Variants in TNIP1 observed in about 807,000 individuals in gnomAD.
TNIP1 encodes the protein TNFAIP3 interacting protein 1, also known as TNFAIP3-interacting protein 1.
TNIP1 carries 22 observed loss-of-function variants against 86.6 expected under a neutral mutation model. That is an observed-to-expected ratio of 0.25 (90% CI 0.18 to 0.36). The LOEUF (loss-of-function observed/expected upper bound fraction) is 0.36, where lower values mean the gene tolerates loss of function less well. Among genes scored for constraint, TNIP1 ranks in the 10% least tolerant of loss-of-function variants. The probability of loss-of-function intolerance (pLI) is 1.00; values close to 1 mark genes in which losing one functional copy is unlikely to be tolerated. For synonymous variants in TNIP1, 294 were observed against 313.0 expected (o/e 0.94, Z 0.64); for missense variants, 709 against 820.6 (o/e 0.86, Z 1.66).
At chr5:151,033,186 G>GGGAGGGGAGAGGAGC (rs1217391663) in intron 16 of TNIP1, among the ~76,000 whole-genome samples, 6 of 149,036 alleles carry the variant, frequency 4.0e-5, no homozygotes, top group African/African-American at 1.5e-4. Context: ...AGAAGAGGAG[G>GGGAGGGGAGAGGAGC]GGAGGGGAGA....
At chr5:151,079,351 G>A (rs961058868) in intron 1 of TNIP1, among the ~76,000 whole-genome samples, 2 of 152,154 alleles carry the variant, frequency 1.3e-5, no homozygotes, top group African/African-American at 4.8e-5. Context: ...AGGCCGGGCG[G>A]GGCGGCTCAC....
chr5:151,057,125 T>A (rs1760772121), intron 5 of TNIP1, among the ~76,000 whole-genome samples, 168 bp from the exon 6 acceptor site: 1 of 152,176 alleles, frequency 6.6e-6, no homozygotes, highest in Non-Finnish European at 1.5e-5. Context: ...TGGGGCTGAC[T>A]CACAGGGCAG....
chr5:151,071,968 T>C (rs1762867079), intron 1 of TNIP1, among the ~76,000 whole-genome samples: 1 of 152,212 alleles, frequency 6.6e-6, no homozygotes. Context: ...CTGGGCCGCA[T>C]CATGACGCAC....
In TNIP1 at chr5:151,035,015, T is replaced by C; in HGVS notation, c.1574A>G (p.Lys525Arg). Reference sequence around the variant, plus strand: ...AAGCCTCCTCACCTTTGCTTTCCTCTTCTGCTGTCTGAGGGCTTCTCTTGC... The same window carrying C: ...AAGCCTCCTCACCTTTGCTTTCCTCCTCTGCTGTCTGAGGGCTTCTCTTGC... ...EKAREALRQQ[K>R]RKAKASGERY... The change falls in exon 15 of 18, where the codon AAG (lysine) becomes AGG (arginine). Residue 525 changes from lysine to arginine, a missense_variant. Coordinates refer to ENST00000521591, the MANE Select transcript of TNIP1 (RefSeq NM_006058.5). 4.3e-6 allele frequency: 7 copies of C among 1,614,130 alleles called. No homozygotes were observed. The highest frequency in any genetic ancestry group is 5.9e-6 in the Non-Finnish European group (7 of 1,179,996).
chr5:151,035,810 G>A, intron 13 of TNIP1, 103 bp from the exon 14 acceptor site: 1 of 1,485,634 alleles, frequency 6.7e-7, no homozygotes, highest in Non-Finnish European at 9.1e-7. Flanking sequence ...ACAGATGGCA[G>A]AGCTGGGGGT....
rs535605758 is a variant in TNIP1, at chr5:151,077,545, C to G, written c.-37+3335G>C. Among the ~76,000 whole-genome samples, 135 of 152,300 alleles carry G rather than the reference C, an allele frequency of 8.9e-4. 1 individual carries two copies. Among genetic ancestry groups the G allele is most frequent in the African/African-American group, 3.1e-3 (127 of 41,574 alleles). On this transcript the variant is annotated intron_variant, in intron 1 of 17. Transcript: ENST00000521591. ...TCTAGGAGGTAGCATTGACGTCATA[C>G]AGAGCTGACAGGTGAGGATGCAGAG...
intron 14 of TNIP1, 134 bp from the exon 15 acceptor site, chr5:151,035,201 C>T (rs551694227): frequency 5.3e-5 from 55 of 1,028,950 alleles, no homozygotes; most frequent in East Asian, 3.9e-4. Context: ...GGGCCAGCCC[C>T]GGGAAAGGGC....
chr5:151,071,638 C>T (rs182239037), intron 1 of TNIP1, among the ~76,000 whole-genome samples: 1 of 152,126 alleles, frequency 6.6e-6, no homozygotes, highest in African/African-American at 2.4e-5. Flanking sequence ...CTATCCCCTC[C>T]CCGAGGGCAG....
intron 8 of TNIP1, among the ~76,000 whole-genome samples, chr5:151,049,259 C>A (rs1759581058): frequency 6.6e-6 from 1 of 152,128 alleles, no homozygotes; most frequent in African/African-American, 2.4e-5. Flanking sequence ...AGAGTCTGCT[C>A]CTGCTTGGGA....
intron 1 of TNIP1, chr5:151,078,410 G>A (rs1763634665): frequency 6.6e-6 from 1 of 152,150 alleles, no homozygotes; most frequent in South Asian, 2.1e-4. Context: ...ACACTCGAGA[G>A]GACTAAGGAG....
rs1456736185 is a variant in TNIP1, at chr5:151,041,948, T to G, written c.1134+592A>C. 2.0e-5 allele frequency among the ~76,000 whole-genome samples: 3 copies of G among 151,670 alleles called. No homozygotes were observed. In the East Asian group the frequency reaches 5.8e-4, roughly 29 times the overall value. ...AGCAGGCCTGCTTGGATCTTTTTTT[T>G]TTTTTTTTTTAGCAAGAGTTTCACT... On this transcript the variant is annotated intron_variant, in intron 11 of 17. Coordinates refer to ENST00000521591, the MANE Select transcript of TNIP1 (RefSeq NM_006058.5).
chr5:151,065,987 G>A (rs1762175732), intron 1 of TNIP1, among the ~76,000 whole-genome samples: 1 of 152,156 alleles, frequency 6.6e-6, no homozygotes, highest in African/African-American at 2.4e-5. Flanking sequence ...GCTTAGTAGA[G>A]AAGCTCTCTG....
intron 7 of TNIP1, among the ~76,000 whole-genome samples, chr5:151,050,970 C>T (rs1467906289): frequency 1.3e-5 from 2 of 152,208 alleles, no homozygotes; most frequent in African/African-American, 2.4e-5. Flanking sequence ...AGCCACAACG[C>T]CCAACCACCA....
chr5:151,086,373 G>C (rs59750343), intron 1 of TNIP1, among the ~76,000 whole-genome samples: 2 of 152,162 alleles, frequency 1.3e-5, no homozygotes, highest in Admixed American at 6.5e-5. Context: ...TCTGTTACAG[G>C]TTCCACCACA....
intron 6 of TNIP1, among the ~76,000 whole-genome samples, chr5:151,052,763 T>C (rs1026917901): frequency 6.6e-6 from 1 of 151,766 alleles, no homozygotes; most frequent in African/African-American, 2.4e-5. Flanking sequence ...GCTGTTTTCT[T>C]AATATCTACC....
chr5:151,062,735 A>G (rs1761739461), intron 3 of TNIP1, among the ~76,000 whole-genome samples: 1 of 152,134 alleles, frequency 6.6e-6, no homozygotes, highest in African/African-American at 2.4e-5. Flanking sequence ...TCACTCTGAG[A>G]GTGGACCTGG....
chr5:151,068,906 G>A (rs757553223), intron 1 of TNIP1, among the ~76,000 whole-genome samples: 39 of 152,242 alleles, frequency 2.6e-4, no homozygotes, highest in Non-Finnish European at 5.4e-4. Flanking sequence ...GCCCAAACCA[G>A]AAACAGCTGG....
intron 17 of TNIP1, among the ~76,000 whole-genome samples, chr5:151,031,431 T>C (rs1756872631): frequency 6.6e-6 from 1 of 152,224 alleles, no homozygotes; most frequent in Non-Finnish European, 1.5e-5. Context: ...TTGTGCCCCA[T>C]GAGAGCTCTA....
chr5:151,034,658 C>A, intron 15 of TNIP1: 1 of 308,332 alleles, frequency 3.2e-6, no homozygotes. Flanking sequence ...GCACAAAAGG[C>A]TGGGCATGGG....
Sources: allele counts gnomAD v4.1 joint callset (sites outside exome capture counted in the v4.1 genomes callset), GRCh38; gene constraint gnomAD v4.1.1; transcripts MANE v1.5; gene names NCBI Gene and HGNC (gene_info 2026-07-23, HGNC 2026-07-21).